Variants in CUX2 observed in about 807,000 individuals in gnomAD.
CUX2 encodes the protein cut like homeobox 2.
Under a neutral mutation model 144.8 loss-of-function variants are expected in CUX2, and 40 were observed. The observed-to-expected ratio is 0.28, with a 90% CI of 0.21 to 0.36. The LOEUF is 0.36. Among genes scored for constraint, CUX2 ranks in the 10% least tolerant of loss-of-function variants. The pLI, the probability that CUX2 is intolerant of heterozygous loss-of-function variation, is 1.00. For synonymous variants in CUX2, 827 were observed against 875.6 expected, an observed-to-expected ratio of 0.94 and a Z score of 0.98; for missense variants, 1,615 against 1,994.0, an observed-to-expected ratio of 0.81 and a Z score of 3.62.
At position 111,034,828 on chromosome 12, in the gene CUX2, G is replaced by T. The variant is rs1336417810; in HGVS notation, c.63+588G>T. ...GCACCTCAGCCTTCGCCGCCCGCCT[G>T]GCTGCGCAGCCCGGACGCGCCGCCA... On this transcript the variant is annotated intron_variant, in intron 1 of 21. Coordinates refer to ENST00000261726, the MANE Select transcript of CUX2 (RefSeq NM_015267.4). The surrounding 1 kb of genome is among the most constrained non-coding windows in gnomAD (Gnocchi z 4.2). 2.0e-5 allele frequency among the ~76,000 whole-genome samples: 3 copies of T among 149,004 alleles called. No homozygotes were observed. The highest frequency in any genetic ancestry group is 1.5e-5 in the Non-Finnish European group (1 of 66,768).
At chr12:111,143,803 T>C (rs1026739767) in intron 1 of CUX2, among the ~76,000 whole-genome samples, 5 of 152,166 alleles carry the variant, frequency 3.3e-5, no homozygotes, top group African/African-American at 9.7e-5. Context: ...CTGGGGTGTG[T>C]GGGGGGGTTT....
At chr12:111,345,426 C>T (rs899678291) in intron 21 of CUX2, among the ~76,000 whole-genome samples, 1 of 64,714 alleles carries the variant, frequency 1.5e-5, no homozygotes, top group Non-Finnish European at 2.9e-5. Flanking sequence ...AGCCTGGCAA[C>T]AAAGTGAGAC....
intron 1 of CUX2, among the ~76,000 whole-genome samples, chr12:111,086,604 C>T (rs1177626293): frequency 1.3e-5 from 2 of 152,170 alleles, no homozygotes; most frequent in African/African-American, 2.4e-5. Flanking sequence ...TCTTTTAGGA[C>T]ATCAAATTGA....
chr12:111,259,793 CAAAAAA>C (rs770448329), intron 3 of CUX2, among the ~76,000 whole-genome samples: 8 of 74,272 alleles, frequency 1.1e-4, no homozygotes, highest in African/African-American at 3.0e-4. Flanking sequence ...GACTCTGTCT[CAAAAAA>C]AAAAAAAAAA....
intron 1 of CUX2, among the ~76,000 whole-genome samples, chr12:111,121,502 G>A (rs1260780138): frequency 7.5e-5 from 11 of 147,092 alleles, no homozygotes; most frequent in African/African-American, 2.5e-4. Flanking sequence ...TCAGCCTCCC[G>A]AGTAGCTGGG....
chr12:111,122,449 G>A (rs1366496849), intron 1 of CUX2, among the ~76,000 whole-genome samples: 2 of 152,152 alleles, frequency 1.3e-5, no homozygotes, highest in African/African-American at 2.4e-5. Context: ...AATATAAAAC[G>A]GGACGGGGGA....
chr12:111,045,025 C>T (rs1869928608), intron 1 of CUX2, among the ~76,000 whole-genome samples: 1 of 152,188 alleles, frequency 6.6e-6, no homozygotes, highest in Admixed American at 6.5e-5. Flanking sequence ...TGGCCTCAGC[C>T]ATAGAGAGCT....
intron 1 of CUX2, among the ~76,000 whole-genome samples, chr12:111,124,547 T>C (rs2136100889): frequency 6.6e-6 from 1 of 152,332 alleles, no homozygotes; most frequent in Admixed American, 6.5e-5. Context: ...ATGGCCAGTT[T>C]TTATATAGAA....
intron 1 of CUX2, among the ~76,000 whole-genome samples, chr12:111,153,018 G>A (rs1466822732): frequency 6.6e-6 from 1 of 152,206 alleles, no homozygotes; most frequent in Admixed American, 6.5e-5. Context: ...AACAGTGGTG[G>A]AGATGGGGTG....
intron 18 of CUX2, among the ~76,000 whole-genome samples, chr12:111,323,814 T>C (rs1887647242): frequency 6.6e-6 from 1 of 152,064 alleles, no homozygotes; most frequent in African/African-American, 2.4e-5. Context: ...CCCAATACTT[T>C]GGGAGGTGAA....
chr12:111,047,844 A>G (rs1181824985), intron 1 of CUX2, among the ~76,000 whole-genome samples: 2 of 152,206 alleles, frequency 1.3e-5, no homozygotes, highest in Non-Finnish European at 2.9e-5. Context: ...AATCACATGG[A>G]GGGGCCGCCT....
In CUX2 at chr12:111,307,529, GAA is replaced by G. The variant is rs1345963026; in HGVS notation, c.1109+278_1109+279del. On this transcript the variant is annotated intron_variant, in intron 12 of 21. Coordinates refer to ENST00000261726, the MANE Select transcript of CUX2 (RefSeq NM_015267.4). The surrounding 1 kb of genome is among the most constrained non-coding windows in gnomAD (Gnocchi z 4.1). ...CAATGGGGAGACCCCATCTCTGTGAGAAAAAAACAATTTTAATTAGCCAGGAG... is the reference window on the plus strand; with the variant it reads ...CAATGGGGAGACCCCATCTCTGTGAGAAAAACAATTTTAATTAGCCAGGAG... Among the ~76,000 whole-genome samples the G allele has an allele frequency of 6.6e-6, 1 of 151,908 alleles. No individual in the cohort carries two copies. Among genetic ancestry groups the G allele is most frequent in the South Asian group, 2.1e-4 (1 of 4,816 alleles).
chr12:111,135,649 A>G (rs995197302), intron 1 of CUX2, among the ~76,000 whole-genome samples: 1 of 152,276 alleles, frequency 6.6e-6, no homozygotes, highest in Admixed American at 6.5e-5. Flanking sequence ...TTATTCAGCC[A>G]TGAAAAAGAA....
intron 4 of CUX2, among the ~76,000 whole-genome samples, chr12:111,273,755 G>A (rs1386815921): frequency 2.0e-5 from 3 of 152,178 alleles, no homozygotes; most frequent in Non-Finnish European, 2.9e-5. Flanking sequence ...GGCCAATCCT[G>A]TGCTGCCATT....
At chr12:111,153,322 T>G (rs1317773449) in intron 1 of CUX2, among the ~76,000 whole-genome samples, 2 of 152,188 alleles carry the variant, frequency 1.3e-5, no homozygotes, top group African/African-American at 4.8e-5. Context: ...CCAAGACAGA[T>G]TTACAGTCAT....
intron 18 of CUX2, among the ~76,000 whole-genome samples, chr12:111,324,626 G>C (rs145247049): frequency 6.6e-6 from 1 of 151,950 alleles, no homozygotes; most frequent in East Asian, 2.0e-4. Context: ...TCAGCCTCCC[G>C]AGTAGCTGGG....
rs1290709199 is a variant in CUX2, at chr12:111,057,023, CAAG to C, written c.63+22785_63+22787del. Among the ~76,000 whole-genome samples, 4 of 151,200 alleles carry C rather than the reference CAAG, an allele frequency of 2.6e-5. No individual in the cohort carries two copies. The highest frequency in any genetic ancestry group is 9.7e-5 in the African/African-American group (4 of 41,092). Reference sequence around the variant, plus strand: ...GGTGGCCAAGCTGGAATGGTTGTGACAAGAGGTTGTGTGAGGGAATTCAGTGTG... The same window carrying C: ...GGTGGCCAAGCTGGAATGGTTGTGACAGGTTGTGTGAGGGAATTCAGTGTG... On this transcript the variant is annotated intron_variant, in intron 1 of 21. Coordinates refer to ENST00000261726, the MANE Select transcript of CUX2 (RefSeq NM_015267.4). The surrounding 1 kb of genome is among the most constrained non-coding windows in gnomAD (Gnocchi z 5.1).
intron 1 of CUX2, among the ~76,000 whole-genome samples, chr12:111,188,487 A>C (rs184295872): frequency 5.3e-5 from 8 of 152,328 alleles, no homozygotes; most frequent in African/African-American, 1.7e-4. Flanking sequence ...CAGGGGTCCC[A>C]TGTAGCAGGA....
chr12:111,324,658 G>GCCACA (rs1887691310), intron 18 of CUX2, among the ~76,000 whole-genome samples: 2 of 151,980 alleles, frequency 1.3e-5, no homozygotes, highest in East Asian at 3.9e-4. Flanking sequence ...GCGCCACCAT[G>GCCACA]CCCAGCTAAT....
Sources: gnomAD v4.1 joint callset for allele counts (sites outside exome capture counted in the v4.1 genomes callset) on GRCh38, gnomAD v4.1.1 for gene constraint, Gnocchi (gnomAD v3.1) non-coding constraint, MANE v1.5 for transcripts, NCBI Gene and HGNC (gene_info 2026-07-23, HGNC 2026-07-21) for gene names.